Variants in TMEM131 observed in about 807,000 individuals in gnomAD.
TMEM131 encodes transmembrane protein 131.
In TMEM131, 66 loss-of-function variants were observed where a neutral mutation model predicts 211.6. The ratio of observed to expected loss-of-function variants is 0.31; its 90% CI spans 0.26 to 0.38. The LOEUF (loss-of-function observed/expected upper bound fraction) is 0.38. Ranked by LOEUF, TMEM131 falls within the 10% of genes least tolerant of loss-of-function variation. The pLI, the probability that TMEM131 is intolerant of heterozygous loss-of-function variation, is 1.00. For synonymous variants in TMEM131, 844 were observed against 841.3 expected, an observed-to-expected ratio of 1.00 and a Z score of -0.06; for missense variants, 2,036 against 2,299.3, an observed-to-expected ratio of 0.89 and a Z score of 2.34.
At chr2:97,872,452 A>G (rs1316820295) in intron 4 of TMEM131, among the ~76,000 whole-genome samples, 1 of 152,086 alleles carries the variant, frequency 6.6e-6, no homozygotes, top group African/African-American at 2.4e-5. Context: ...TTGCTCCCCA[A>G]CCGCAATAAA....
intron 1 of TMEM131, among the ~76,000 whole-genome samples, chr2:97,970,776 G>T (rs1487582936): frequency 6.6e-6 from 1 of 152,154 alleles, no homozygotes; most frequent in East Asian, 1.9e-4. Flanking sequence ...GGTCTGCCAT[G>T]CTGGACATAT....
intron 1 of TMEM131, among the ~76,000 whole-genome samples, chr2:97,934,731 C>T (rs532417845): frequency 6.6e-6 from 1 of 152,204 alleles, no homozygotes; most frequent in South Asian, 2.1e-4. Context: ...CTGGTTTTGA[C>T]AAAATTGCAA....
intron 29 of TMEM131, among the ~76,000 whole-genome samples, chr2:97,794,457 C>T (rs1371616419): frequency 1.3e-5 from 2 of 152,162 alleles, no homozygotes; most frequent in African/African-American, 2.4e-5. Context: ...ATTTTAGTTT[C>T]AACTCTCCAA....
At chr2:97,780,817 T>C (rs1679958864) in intron 31 of TMEM131, among the ~76,000 whole-genome samples, 1 of 152,030 alleles carries the variant, frequency 6.6e-6, no homozygotes, top group Non-Finnish European at 1.5e-5. Flanking sequence ...AATTAACCCA[T>C]CTAAATAAAG....
chr2:97,894,913 T>C (rs1350529312), intron 3 of TMEM131, among the ~76,000 whole-genome samples: 2 of 152,272 alleles, frequency 1.3e-5, no homozygotes, highest in South Asian at 2.1e-4. Context: ...CTGTGTTGAA[T>C]AGGGGTGGTG....
At chr2:97,889,816 C>T (rs1312375985) in intron 3 of TMEM131, among the ~76,000 whole-genome samples, 2 of 152,066 alleles carry the variant, frequency 1.3e-5, no homozygotes, top group African/African-American at 2.4e-5. Flanking sequence ...TGCCAGTTAC[C>T]GTCTATTGGC....
At chr2:97,796,535 A>G (rs1680773590) in intron 27 of TMEM131, 131 bp from the exon 28 acceptor site, 3 of 679,336 alleles carry the variant, frequency 4.4e-6, no homozygotes, top group African/African-American at 3.7e-5. Context: ...CAGAGAGATC[A>G]GCTGTTCCTC....
intron 39 of TMEM131, 98 bp from the exon 40 acceptor site, chr2:97,759,151 T>A: frequency 1.4e-6 from 2 of 1,477,122 alleles, no homozygotes; most frequent in Non-Finnish European, 1.9e-6. Context: ...CAACCACTGC[T>A]CCTGGAGCCA....
At position 97,859,225 on chromosome 2, in the gene TMEM131, C is replaced by CA. The variant is rs1673968183; in HGVS notation, c.483+78dup. 1.3e-5 allele frequency: 19 copies of CA among 1,426,902 alleles called. No homozygotes were observed. In the South Asian group the frequency reaches 2.4e-4, roughly 18 times the overall value. 88.4% of individuals were successfully genotyped at this position (1,426,902 alleles called of 1,614,324 possible). On this transcript the variant is annotated intron_variant, in intron 5 of 40. Transcript: ENST00000186436. ...AAATATTCAAACCCAATTCTAATCA[C>CA]AGCAAGTTATTAATCAATAAAAATC... is the stretch of plus-strand genomic sequence containing the variant.
At chr2:97,864,251 A>G (rs1674181187) in intron 4 of TMEM131, among the ~76,000 whole-genome samples, 1 of 152,210 alleles carries the variant, frequency 6.6e-6, no homozygotes, top group African/African-American at 2.4e-5. Flanking sequence ...GGGGATGGGT[A>G]GAAATGGGGA....
At chr2:97,990,761 C>G (rs561159231) in intron 1 of TMEM131, among the ~76,000 whole-genome samples, 2 of 152,272 alleles carry the variant, frequency 1.3e-5, no homozygotes, top group Non-Finnish European at 2.9e-5. Flanking sequence ...GTACTTCTGA[C>G]TCTCAGGTTC....
chr2:97,828,417 C>CCT (rs1682502121), intron 11 of TMEM131, among the ~76,000 whole-genome samples: 1 of 152,108 alleles, frequency 6.6e-6, no homozygotes, highest in African/African-American at 2.4e-5. Flanking sequence ...GGTCTGTGCC[C>CCT]CTCAAAGCTC....
chr2:97,992,080 T>C (rs1355727549), intron 1 of TMEM131, among the ~76,000 whole-genome samples: 2 of 152,184 alleles, frequency 1.3e-5, no homozygotes, highest in Non-Finnish European at 2.9e-5. Context: ...TAACATTCTA[T>C]TTACAAGGCC....
At chr2:97,915,067 GT>G (rs1026018167) in intron 2 of TMEM131, among the ~76,000 whole-genome samples, 18 of 152,160 alleles carry the variant, frequency 1.2e-4, no homozygotes, top group African/African-American at 4.1e-4. Context: ...TGTGTTTTGG[GT>G]TTTAATTTGC....
rs1400828352 is a variant in TMEM131 at position 97,904,631 on chromosome 2, T to TA, written c.290+4026dup. ...ATTGGTGTTGAAATTATTCATTTAC[T>TA]ACGGTTTCTGATATGTTTGGGTTTA... On this transcript the variant is annotated intron_variant, in intron 3 of 40. Transcript: ENST00000186436. Among the ~76,000 whole-genome samples the TA allele has an allele frequency of 2.0e-5, 3 of 152,320 alleles. No homozygotes were observed. The East Asian group carries it at 5.8e-4, about 29-fold the overall frequency.
At chr2:97,880,138 A>AAAAAACTATCTTT (rs1674864150) in intron 4 of TMEM131, among the ~76,000 whole-genome samples, 2 of 145,278 alleles carry the variant, frequency 1.4e-5, no homozygotes, top group Admixed American at 1.4e-4. Flanking sequence ...AAACTTCCAT[A>AAAAAACTATCTTT]AAAAACTATC....
At chr2:97,959,388 C>A (rs1339186759) in intron 1 of TMEM131, among the ~76,000 whole-genome samples, 1 of 152,136 alleles carries the variant, frequency 6.6e-6, no homozygotes, top group African/African-American at 2.4e-5. Flanking sequence ...CTGGAAGAGC[C>A]ACTGTGGTCC....
chr2:97,969,683 C>T (rs1275715738), intron 1 of TMEM131, among the ~76,000 whole-genome samples: 1 of 152,158 alleles, frequency 6.6e-6, no homozygotes, highest in Non-Finnish European at 1.5e-5. Flanking sequence ...CATCACTGTA[C>T]ACAAACTGCT....
chr2:97,859,242 A>C, intron 5 of TMEM131, 62 bp downstream of exon 5: 1 of 1,503,116 alleles, frequency 6.7e-7, no homozygotes, highest in Non-Finnish European at 8.9e-7. Context: ...TTATTAATCA[A>C]TAAAAATCTA....
Sources: gnomAD v4.1 joint callset for allele counts (sites outside exome capture counted in the v4.1 genomes callset) on GRCh38, gnomAD v4.1.1 for gene constraint, MANE v1.5 for transcripts, NCBI Gene and HGNC (gene_info 2026-07-23, HGNC 2026-07-21) for gene names.